Variants in MTUS2 observed in about 807,000 individuals in gnomAD.
MTUS2 encodes microtubule-associated tumor suppressor candidate 2.
In MTUS2, 40 loss-of-function variants were observed where a neutral mutation model predicts 114.1. That is an observed-to-expected ratio of 0.35 (90% CI 0.27 to 0.46). The LOEUF (loss-of-function observed/expected upper bound fraction) is 0.46. Among genes scored for constraint, MTUS2 ranks in the 20% least tolerant of loss-of-function variants. The pLI is 1.00. For synonymous variants in MTUS2, 688 were observed against 672.0 expected (o/e 1.02, Z -0.37); for missense variants, 1,679 against 1,705.4 (o/e 0.98, Z 0.27).
In MTUS2 at chr13:28,891,461, C is replaced by T. The variant is rs574151953; in HGVS notation, c.-243+51611C>T. On this transcript the variant is annotated intron_variant, in intron 2 of 15. Transcript: ENST00000612955. ...CACACATATTGAAAAAAGGCAGAAT[C>T]GTAGGCCGTTGAACTGAAAGGCATT... Among the ~76,000 whole-genome samples the T allele has an allele frequency of 2.6e-4, 40 of 152,142 alleles. No individual in the cohort carries two copies. The South Asian group carries it at 5.8e-3, about 22-fold the overall frequency.
intron 2 of MTUS2, among the ~76,000 whole-genome samples, chr13:28,925,453 A>G (rs1881273774): frequency 1.3e-5 from 2 of 152,226 alleles, no homozygotes. Context: ...TCCTTTATGA[A>G]GAAATACTAA....
At chr13:29,189,503 A>T (rs1273920944) in intron 5 of MTUS2, among the ~76,000 whole-genome samples, 1 of 152,088 alleles carries the variant, frequency 6.6e-6, no homozygotes, top group Non-Finnish European at 1.5e-5. Context: ...ACCTAATATA[A>T]AACTAATGTT....
At chr13:28,999,146 G>A (rs1436840411) in intron 2 of MTUS2, among the ~76,000 whole-genome samples, 5 of 151,430 alleles carry the variant, frequency 3.3e-5, no homozygotes, top group African/African-American at 9.8e-5. Context: ...GGAGTTTGCT[G>A]GAGGTCCACT....
At chr13:29,154,538 T>G (rs1159215837) in intron 5 of MTUS2, among the ~76,000 whole-genome samples, 1 of 152,228 alleles carries the variant, frequency 6.6e-6, no homozygotes, top group Non-Finnish European at 1.5e-5. Flanking sequence ...AATAGACTTT[T>G]GCAATGATAG....
Position 28,876,787 on chromosome 13 carries a change from C to T in MTUS2, c.-243+36937C>T, listed in dbSNP as rs1877959591. 2.6e-5 allele frequency among the ~76,000 whole-genome samples: 4 copies of T among 152,120 alleles called. No homozygotes were observed. The South Asian group carries it at 8.3e-4, about 32-fold the overall frequency. ...GTTTCATTAGGAAGGAGGGAAAACACGCTGGGTAAATGATCAAACAATGTT... is the reference window on the plus strand; with the variant it reads ...GTTTCATTAGGAAGGAGGGAAAACATGCTGGGTAAATGATCAAACAATGTT... On this transcript the variant is annotated intron_variant, in intron 2 of 15. Transcript: ENST00000612955.
At chr13:29,113,012 G>A (rs1316363565) in intron 5 of MTUS2, among the ~76,000 whole-genome samples, 2 of 152,184 alleles carry the variant, frequency 1.3e-5, no homozygotes, top group African/African-American at 4.8e-5. Flanking sequence ...GCCCATGTGA[G>A]GTTGGAAAAC....
Position 29,459,118 on chromosome 13 carries a change from C to T in MTUS2, c.3184+19069C>T, listed in dbSNP as rs572717784. Among the ~76,000 whole-genome samples, 57 of 152,378 alleles carry T rather than the reference C, an allele frequency of 3.7e-4. No homozygotes were observed. In the South Asian group the frequency reaches 0.012, roughly 32 times the overall value. On this transcript the variant is annotated intron_variant, in intron 9 of 15. Coordinates refer to ENST00000612955, the MANE Select transcript of MTUS2 (RefSeq NM_001033602.4). ...CATCGCTTGGACCCAAGCGGAGTCA[C>T]TTGCCTGCACGAAGCTTCCAAGGAG...
At chr13:29,283,309 A>C (rs74326266) in intron 6 of MTUS2, among the ~76,000 whole-genome samples, 1,644 of 152,250 alleles carry the variant, frequency 0.011, 30 homozygotes, top group African/African-American at 0.037. Flanking sequence ...AGGGGAAGGT[A>C]AGCTTCTGGG....
chr13:29,195,051 C>T (rs1351108580), intron 5 of MTUS2, among the ~76,000 whole-genome samples: 1 of 139,770 alleles, frequency 7.2e-6, no homozygotes, highest in African/African-American at 2.7e-5. Context: ...ACAATGAGAA[C>T]ACATGGACAC....
chr13:29,174,883 TA>T (rs2139132970), intron 5 of MTUS2, among the ~76,000 whole-genome samples: 1 of 152,332 alleles, frequency 6.6e-6, no homozygotes, highest in South Asian at 2.1e-4. Context: ...AGAGTAAATG[TA>T]AAATGCCTGT....
chr13:29,064,048 C>A (rs899678090), intron 4 of MTUS2, among the ~76,000 whole-genome samples: 13 of 152,172 alleles, frequency 8.5e-5, no homozygotes, highest in Non-Finnish European at 1.9e-4. Flanking sequence ...TTAACCTGCT[C>A]CTAGCGCTGG....
rs145817371 is a variant in MTUS2, at chr13:29,473,787, C to T, written c.3185-6363C>T. On this transcript the variant is annotated intron_variant, in intron 9 of 15. Transcript: ENST00000612955. ...CTGATTATTTGAATATTTATTTTCT[C>T]AGCTCCCTAGATTGTAGGGGTTTAT... Among the ~76,000 whole-genome samples, 592 of 152,238 alleles carry T rather than the reference C, an allele frequency of 3.9e-3. 4 individuals carry two copies. The highest frequency in any genetic ancestry group is 0.013 in the African/African-American group (558 of 41,534).
rs114329624 is a variant in MTUS2 at position 29,065,823 on chromosome 13, G to A, written c.2446+31698G>A. 3.9e-3 allele frequency among the ~76,000 whole-genome samples: 590 copies of A among 152,188 alleles called. 4 individuals carry two copies. The highest frequency in any genetic ancestry group is 0.014 in the African/African-American group (564 of 41,530). On this transcript the variant is annotated intron_variant, in intron 4 of 15. Coordinates refer to ENST00000612955, the MANE Select transcript of MTUS2 (RefSeq NM_001033602.4). ...TTTATCTCTAAAAATGAGAATAATA[G>A]CAGAACATAAAGCACTTGATTGTTA...
intron 2 of MTUS2, among the ~76,000 whole-genome samples, chr13:29,011,773 G>A (rs1885853795): frequency 6.6e-6 from 1 of 152,192 alleles, no homozygotes; most frequent in Admixed American, 6.5e-5. Flanking sequence ...GAACATGAAA[G>A]TGTATACCTT....
intron 5 of MTUS2, among the ~76,000 whole-genome samples, chr13:29,212,158 A>G (rs1895468203): frequency 6.6e-6 from 1 of 152,104 alleles, no homozygotes; most frequent in Non-Finnish European, 1.5e-5. Context: ...CATTGAGTTC[A>G]AAATATTTTC....
intron 5 of MTUS2, among the ~76,000 whole-genome samples, chr13:29,171,564 TGGA>T (rs1363076495): frequency 6.6e-6 from 1 of 152,160 alleles, no homozygotes; most frequent in African/African-American, 2.4e-5. Flanking sequence ...TGAAGTCAAA[TGGA>T]GGAAAAGATA....
At chr13:29,161,025 A>G (rs914185559) in intron 5 of MTUS2, among the ~76,000 whole-genome samples, 1 of 152,186 alleles carries the variant, frequency 6.6e-6, no homozygotes, top group African/African-American at 2.4e-5. Flanking sequence ...GGATGGCTGG[A>G]GGAAGGTGAG....
At chr13:29,307,295 G>T in intron 6 of MTUS2, 1 of 666,198 alleles carries the variant, frequency 1.5e-6, no homozygotes, top group South Asian at 1.6e-5. Context: ...ATCATGGAAG[G>T]ACTCATGACC....
At chr13:29,264,513 G>A (rs1031713443) in intron 5 of MTUS2, among the ~76,000 whole-genome samples, 1 of 152,260 alleles carries the variant, frequency 6.6e-6, no homozygotes, top group Non-Finnish European at 1.5e-5. Flanking sequence ...CCCTAGTAGA[G>A]GTTCTTCGTG....
Sources: allele counts gnomAD v4.1 joint callset (sites outside exome capture counted in the v4.1 genomes callset), GRCh38; gene constraint gnomAD v4.1.1; transcripts MANE v1.5; gene names NCBI Gene and HGNC (gene_info 2026-07-23, HGNC 2026-07-21).